The following MCF2L variants were observed in gnomAD, a reference collection of about 807,000 sequenced individuals.
The protein encoded by MCF2L is guanine nucleotide exchange factor DBS.
A neutral mutation model predicts 153.4 loss-of-function variants in MCF2L; 97 were observed. The observed-to-expected ratio is 0.63, with a 90% CI of 0.54 to 0.75. The LOEUF is 0.75. Ranked by LOEUF, MCF2L falls within the 30% of genes least tolerant of loss-of-function variation. The pLI, the probability that MCF2L is intolerant of heterozygous loss-of-function variation, is 0.00. For missense variants in MCF2L, 1,347 were observed against 1,495.2 expected (o/e 0.90, Z 1.64); for synonymous variants, 659 against 632.2 (o/e 1.04, Z -0.64).
chr13:112,966,774 C>T (rs572555177), upstream of MCF2L, among the ~76,000 whole-genome samples: 386 of 152,282 alleles, frequency 2.5e-3, no homozygotes, highest in Non-Finnish European at 4.6e-3. The surrounding 1 kb of genome is among the most constrained non-coding windows in gnomAD (Gnocchi z 4.1). Flanking sequence ...GTGGCCCTTT[C>T]CTTTCATCTT....
At chr13:112,914,194 G>A (rs147290630) in intron 2 of MCF2L, among the ~76,000 whole-genome samples, 4 of 152,090 alleles carry the variant, frequency 2.6e-5, no homozygotes, top group Admixed American at 6.6e-5. Context: ...TGGTCCTTCC[G>A]CCAGGACCTG....
intron 7 of MCF2L, 148 bp from the exon 8 acceptor site, chr13:113,065,898 C>T: frequency 1.2e-6 from 1 of 823,926 alleles, no homozygotes; most frequent in Non-Finnish European, 1.8e-6. Context: ...CACGACCCCA[C>T]AGAAGAGACT....
chr13:112,896,926 A>C (rs1018201967), intron 1 of MCF2L, among the ~76,000 whole-genome samples: 2 of 152,224 alleles, frequency 1.3e-5, no homozygotes, highest in African/African-American at 2.4e-5. Context: ...AACTTGAGTC[A>C]TCAGTGGATT....
intron 2 of MCF2L, among the ~76,000 whole-genome samples, chr13:112,942,489 T>C (rs2140671160): frequency 6.6e-6 from 1 of 152,288 alleles, no homozygotes; most frequent in Non-Finnish European, 1.5e-5. Context: ...GTCTTGGTGG[T>C]AGTGGTCCCC....
intron 26 of MCF2L, chr13:113,090,433 C>CGGG: frequency 1.3e-5 from 3 of 225,030 alleles, no homozygotes; most frequent in Non-Finnish European, 2.1e-5. Context: ...TCCTTCCTCT[C>CGGG]CCTGCCCCCC....
chr13:113,063,716 C>T (rs779993889), intron 5 of MCF2L, among the ~76,000 whole-genome samples: 16 of 152,326 alleles, frequency 1.1e-4, no homozygotes, highest in East Asian at 3.9e-4. Context: ...CAGATAGTCA[C>T]GGCAGCAGAG....
chr13:113,035,820 A>G lies in MCF2L; in HGVS notation c.279-9451A>G, dbSNP rs2086120193. Among the ~76,000 whole-genome samples, 1 of 152,156 alleles carries G rather than the reference A, an allele frequency of 6.6e-6. No homozygotes were observed. Among genetic ancestry groups the G allele is most frequent in the Non-Finnish European group, 1.5e-5 (1 of 68,026 alleles). ...ACTTGTTAGCTGTTTGACCCTGGAT[A>G]TGTCATTCACTTCTGCGTTCCTCAG... On this transcript the variant is annotated intron_variant, in intron 3 of 29. Transcript: ENST00000535094. The surrounding 1 kb of genome is among the most constrained non-coding windows in gnomAD (Gnocchi z 4.4).
At chr13:113,017,140 C>T (rs533371893) in intron 2 of MCF2L, among the ~76,000 whole-genome samples, 1 of 152,368 alleles carries the variant, frequency 6.6e-6, no homozygotes, top group African/African-American at 2.4e-5. Flanking sequence ...TGCCAATCGC[C>T]CCGTCCCCTC....
chr13:112,903,127 A>G (rs1303481169), intron 2 of MCF2L, among the ~76,000 whole-genome samples: 1 of 152,204 alleles, frequency 6.6e-6, no homozygotes. Context: ...CGTGGATTTG[A>G]TGGCCGGGTG....
intron 26 of MCF2L, 79 bp downstream of exon 26, chr13:113,089,807 A>G: frequency 6.2e-7 from 1 of 1,603,522 alleles, no homozygotes; most frequent in East Asian, 2.2e-5. Flanking sequence ...CATCCGAGAA[A>G]CCTGCGCTTC....
Position 112,951,349 on chromosome 13 carries a change from T to C in MCF2L, c.169+48978T>C, listed in dbSNP as rs1298535695. On this transcript the variant is annotated intron_variant, in intron 2 of 29. Transcript: ENST00000375608. The surrounding 1 kb of genome is among the most constrained non-coding windows in gnomAD (Gnocchi z 4.8). ...TCATATGACCCAGCAATTGCACTCC[T>C]GGGAATTTATCCCAGAGAAATCAAA... Among the ~76,000 whole-genome samples the C allele has an allele frequency of 6.6e-6, 1 of 152,222 alleles. No homozygotes were observed. Among genetic ancestry groups the C allele is most frequent in the Non-Finnish European group, 1.5e-5 (1 of 68,042 alleles).
chr13:113,064,902 C>T lies in MCF2L; in HGVS notation c.607-34C>T. 6.3e-7 allele frequency: 1 copy of T among 1,596,146 alleles called. No homozygotes were observed. The stretch of plus-strand genomic sequence containing the variant: ...GGCAGCAGGAGGTGGGTGCAGTGCA[C>T]AAGGCATGCAATTGTGTTTTCTCTG... On this transcript the variant is annotated intron_variant, in intron 6 of 29. Transcript: ENST00000535094. This position sits in a 1 kb window ranked among gnomAD's most constrained non-coding sequence, Gnocchi z 6.0.
rs145138991 is a variant in MCF2L at position 112,911,771 on chromosome 13, C to T, written c.169+9400C>T. Among the ~76,000 whole-genome samples, 932 of 152,372 alleles carry T rather than the reference C, an allele frequency of 6.1e-3. 9 individuals carry two copies. Among genetic ancestry groups the T allele is most frequent in the African/African-American group, 0.021 (867 of 41,594 alleles). On this transcript the variant is annotated intron_variant, in intron 2 of 29. Coordinates refer to the MCF2L transcript ENST00000375608. ...CTGAGCAGCGATTTCTTCCGTCTTCCTCTCTTCCGACTTCTTTCCTTCTAG... is the reference window on the plus strand; with the variant it reads ...CTGAGCAGCGATTTCTTCCGTCTTCTTCTCTTCCGACTTCTTTCCTTCTAG...
intron 2 of MCF2L, among the ~76,000 whole-genome samples, chr13:112,924,007 G>A (rs2081379219): frequency 6.6e-6 from 1 of 152,120 alleles, no homozygotes. Flanking sequence ...AAATGCTGAT[G>A]TGTCCTTCCC....
intron 15 of MCF2L, 136 bp downstream of exon 15, chr13:113,078,875 C>A: frequency 1.2e-6 from 1 of 824,106 alleles, no homozygotes; most frequent in Non-Finnish European, 1.9e-6. Context: ...TACTTTTGCA[C>A]CAACCGATAC....
intron 5 of MCF2L, among the ~76,000 whole-genome samples, chr13:113,062,386 G>C (rs1359833291): frequency 6.6e-6 from 1 of 152,192 alleles, no homozygotes; most frequent in Non-Finnish European, 1.5e-5. Flanking sequence ...TACTCTCTTG[G>C]TGGCTTGTGT....
intron 1 of MCF2L, among the ~76,000 whole-genome samples, chr13:112,898,159 C>T (rs1013887130): frequency 2.8e-4 from 43 of 152,202 alleles, no homozygotes; most frequent in Non-Finnish European, 2.8e-4. Context: ...GTGGCAGCGG[C>T]GGGGACCTTC....
intron 3 of MCF2L, among the ~76,000 whole-genome samples, chr13:113,039,237 G>A (rs1292246800): frequency 6.6e-6 from 1 of 152,218 alleles, no homozygotes; most frequent in Non-Finnish European, 1.5e-5. Context: ...AGGAGTGGAT[G>A]TGATTGGCTG....
intron 2 of MCF2L, among the ~76,000 whole-genome samples, chr13:112,963,558 C>G (rs2081858420): frequency 6.6e-6 from 1 of 152,216 alleles, no homozygotes; most frequent in Non-Finnish European, 1.5e-5. Context: ...ACCTGTGTCT[C>G]CAGCCAGTCC....
Sources: gnomAD v4.1 joint callset for allele counts (sites outside exome capture counted in the v4.1 genomes callset) on GRCh38, gnomAD v4.1.1 for gene constraint, Gnocchi (gnomAD v3.1) non-coding constraint, MANE v1.5 for transcripts, NCBI Gene and HGNC (gene_info 2026-07-23, HGNC 2026-07-21) for gene names.